Variants in UNC5D observed in about 807,000 individuals in gnomAD.
UNC5D encodes the protein unc-5 netrin receptor D, also known as netrin receptor UNC5D.
In UNC5D, 39 loss-of-function variants were observed where a neutral mutation model predicts 105.4. The ratio of observed to expected loss-of-function variants is 0.37; its 90% CI spans 0.29 to 0.48. The LOEUF is 0.48. UNC5D is among the 20% of genes least tolerant of loss of function. The pLI, the probability that UNC5D is intolerant of heterozygous loss-of-function variation, is 0.98. For synonymous variants in UNC5D, 452 were observed against 450.4 expected (o/e 1.00, Z -0.04); for missense variants, 991 against 1,202.4 (o/e 0.82, Z 2.60).
chr8:35,407,678 T>G (rs1256537905), intron 1 of UNC5D, among the ~76,000 whole-genome samples: 1 of 152,050 alleles, frequency 6.6e-6, no homozygotes. Context: ...TTTCTGATCC[T>G]CTCCCACCTC....
intron 1 of UNC5D, among the ~76,000 whole-genome samples, chr8:35,485,138 CCTTTAGAAG>C (rs567756026): frequency 1.8e-3 from 273 of 152,244 alleles, no homozygotes; most frequent in Admixed American, 3.4e-3. Context: ...GAGAGGCAAA[CCTTTAGAAG>C]CAGAACACAA....
intron 11 of UNC5D, among the ~76,000 whole-genome samples, chr8:35,744,638 G>A (rs1219109043): frequency 1.3e-5 from 2 of 152,056 alleles, no homozygotes; most frequent in East Asian, 1.9e-4. Flanking sequence ...TTCCAGATTT[G>A]ATCAGTGAGA....
At chr8:35,723,151 C>T (rs1828673119) in intron 9 of UNC5D, among the ~76,000 whole-genome samples, 2 of 152,158 alleles carry the variant, frequency 1.3e-5, no homozygotes, top group Admixed American at 1.3e-4. Flanking sequence ...TCGTCAATAT[C>T]GTCACCTTCA....
At chr8:35,530,122 C>A (rs1460074420) in intron 1 of UNC5D, among the ~76,000 whole-genome samples, 3 of 152,170 alleles carry the variant, frequency 2.0e-5, no homozygotes, top group South Asian at 2.1e-4. Context: ...CTGTCTTGTG[C>A]TAGTTTTCAA....
intron 1 of UNC5D, among the ~76,000 whole-genome samples, chr8:35,523,844 TCTG>T (rs1489109507): frequency 1.4e-4 from 9 of 65,324 alleles, no homozygotes; most frequent in African/African-American, 5.6e-4. Context: ...GGTGGCATAC[TCTG>T]CCCCAGGAGA....
At chr8:35,689,726 G>A (rs1826259189) in intron 7 of UNC5D, among the ~76,000 whole-genome samples, 1 of 152,142 alleles carries the variant, frequency 6.6e-6, no homozygotes, top group African/African-American at 2.4e-5. Flanking sequence ...GTTCTATTTA[G>A]GTCTTCAACT....
intron 4 of UNC5D, among the ~76,000 whole-genome samples, chr8:35,674,509 C>G (rs1196140568): frequency 1.3e-5 from 2 of 152,076 alleles, no homozygotes; most frequent in African/African-American, 2.4e-5. Context: ...CCTAGAGATG[C>G]TTTAAGGATT....
intron 1 of UNC5D, among the ~76,000 whole-genome samples, chr8:35,357,164 C>T (rs1801603089): frequency 6.6e-6 from 1 of 152,096 alleles, no homozygotes; most frequent in Non-Finnish European, 1.5e-5. Context: ...CTCTGCACTG[C>T]ATCTGAAAGG....
At chr8:35,239,220 T>G (rs1802654912) in intron 1 of UNC5D, among the ~76,000 whole-genome samples, 1 of 152,322 alleles carries the variant, frequency 6.6e-6, no homozygotes, top group African/African-American at 2.4e-5. Flanking sequence ...TCTGTGGTTC[T>G]TTAAGTAGTA....
At chr8:35,283,448 T>A (rs1232096432) in intron 1 of UNC5D, among the ~76,000 whole-genome samples, 1 of 152,092 alleles carries the variant, frequency 6.6e-6, no homozygotes, top group East Asian at 1.9e-4. Context: ...TGGATTGGAA[T>A]CACCTGCGGA....
At chr8:35,289,900 A>G (rs1309876006) in intron 1 of UNC5D, among the ~76,000 whole-genome samples, 1 of 152,206 alleles carries the variant, frequency 6.6e-6, no homozygotes, top group Non-Finnish European at 1.5e-5. Flanking sequence ...AGGAGGGATC[A>G]TTTGAGACCA....
At position 35,731,109 on chromosome 8, in the gene UNC5D, G is replaced by C; in HGVS notation, c.1766+13G>C. ...AAGGTGAACCCAGGTGAGAGACAGA[G>C]AATAGCATATTAAAGAAAGTGGCTC... On this transcript the variant is annotated intron_variant, in intron 11 of 16. Coordinates refer to ENST00000404895, the MANE Select transcript of UNC5D (RefSeq NM_080872.4). The C allele has an allele frequency of 3.1e-6, 5 of 1,612,582 alleles. No individual in the cohort carries two copies. The highest frequency in any genetic ancestry group is 4.2e-6 in the Non-Finnish European group (5 of 1,178,822).
intron 15 of UNC5D, among the ~76,000 whole-genome samples, chr8:35,770,814 G>A (rs1801978734): frequency 6.6e-6 from 1 of 152,134 alleles, no homozygotes; most frequent in Non-Finnish European, 1.5e-5. Context: ...CAAAAGTGTT[G>A]GAAGTTGGGG....
intron 1 of UNC5D, among the ~76,000 whole-genome samples, chr8:35,413,226 T>A (rs977580760): frequency 6.6e-5 from 10 of 151,014 alleles, no homozygotes; most frequent in Non-Finnish European, 1.2e-4. Flanking sequence ...AAGGCACCCC[T>A]CTCAGAATTC....
rs763177500 is a variant in UNC5D, at chr8:35,748,507, T to C, written c.1767-20T>C. On this transcript the variant is annotated intron_variant, in intron 11 of 16. Coordinates refer to ENST00000404895, the MANE Select transcript of UNC5D (RefSeq NM_080872.4). Reference sequence around the variant, plus strand: ...CTCCTCTACATACTTCTCTCTTCTATCCTTTTTTCAACTGTGAAGCCTCCA... The same window carrying C: ...CTCCTCTACATACTTCTCTCTTCTACCCTTTTTTCAACTGTGAAGCCTCCA... The C allele has an allele frequency of 2.5e-6, 4 of 1,608,838 alleles. No homozygotes were observed. In the East Asian group the frequency reaches 6.7e-5, roughly 27 times the overall value.
At chr8:35,548,676 C>A (rs1815876035) in intron 1 of UNC5D, among the ~76,000 whole-genome samples, 1 of 152,174 alleles carries the variant, frequency 6.6e-6, no homozygotes, top group Non-Finnish European at 1.5e-5. Context: ...CGGAAGGTTG[C>A]TGGGGGCAGA....
chr8:35,768,440 A>T (rs1458974053), intron 15 of UNC5D, among the ~76,000 whole-genome samples: 1 of 152,202 alleles, frequency 6.6e-6, no homozygotes, highest in East Asian at 1.9e-4. Context: ...GTAAAATAAA[A>T]ATTGTAGGAA....
chr8:35,336,780 A>T (rs906180704), intron 1 of UNC5D, among the ~76,000 whole-genome samples: 6 of 128,108 alleles, frequency 4.7e-5, no homozygotes, highest in African/African-American at 1.7e-4. Flanking sequence ...AGATAGACCA[A>T]AGGAAATAGT....
chr8:35,499,879 C>T (rs1370268598), intron 1 of UNC5D, among the ~76,000 whole-genome samples: 1 of 152,204 alleles, frequency 6.6e-6, no homozygotes, highest in African/African-American at 2.4e-5. Flanking sequence ...ACATTTCATT[C>T]TCTCATCCCC....
Sources: allele counts gnomAD v4.1 joint callset (sites outside exome capture counted in the v4.1 genomes callset), GRCh38; gene constraint gnomAD v4.1.1; transcripts MANE v1.5; gene names NCBI Gene and HGNC (gene_info 2026-07-23, HGNC 2026-07-21).